Variants in KSR2 observed in about 807,000 individuals in gnomAD.
KSR2 encodes kinase suppressor of ras 2.
Under a neutral mutation model 107.8 loss-of-function variants are expected in KSR2, and 25 were observed. The observed-to-expected ratio is 0.23, with a 90% CI of 0.17 to 0.32. The LOEUF is 0.32. Ranked by LOEUF, KSR2 falls within the 10% of genes least tolerant of loss-of-function variation. The pLI is 1.00. For synonymous variants in KSR2, 480 were observed against 507.0 expected, an observed-to-expected ratio of 0.95 and a Z score of 0.71; for missense variants, 887 against 1,268.9, an observed-to-expected ratio of 0.70 and a Z score of 4.57.
intron 4 of KSR2, among the ~76,000 whole-genome samples, chr12:117,732,053 G>C (rs914409165): frequency 2.0e-5 from 3 of 151,362 alleles, no homozygotes; most frequent in Non-Finnish European, 2.9e-5. Flanking sequence ...AAAAAAAAAG[G>C]TGAAATCAAA....
intron 5 of KSR2, among the ~76,000 whole-genome samples, chr12:117,588,397 G>A (rs889583933): frequency 2.0e-5 from 3 of 152,154 alleles, no homozygotes; most frequent in Non-Finnish European, 4.4e-5. Context: ...TATTCTTTGC[G>A]ATTTATCTGC....
chr12:117,717,418 C>G (rs1016068734), intron 4 of KSR2, among the ~76,000 whole-genome samples: 1 of 152,090 alleles, frequency 6.6e-6, no homozygotes, highest in African/African-American at 2.4e-5. Flanking sequence ...ACTCAGGAGG[C>G]TGAGGTGGGA....
At chr12:117,575,314 C>T (rs974780740) in intron 7 of KSR2, among the ~76,000 whole-genome samples, 5 of 152,210 alleles carry the variant, frequency 3.3e-5, no homozygotes, top group African/African-American at 1.2e-4. Flanking sequence ...TCATTTTCTA[C>T]AAGAAGCTGC....
intron 3 of KSR2, among the ~76,000 whole-genome samples, chr12:117,831,369 G>A (rs1437618494): frequency 6.6e-6 from 1 of 152,196 alleles, no homozygotes; most frequent in Non-Finnish European, 1.5e-5. Context: ...GCAGGGGCAG[G>A]ACAGCCCAGG....
At chr12:117,650,717 G>A (rs1883869607) in intron 5 of KSR2, among the ~76,000 whole-genome samples, 1 of 152,164 alleles carries the variant, frequency 6.6e-6, no homozygotes, top group Non-Finnish European at 1.5e-5. Flanking sequence ...GACCATATTT[G>A]GAGACCCAAG....
At chr12:117,623,699 T>C (rs1180449015) in intron 5 of KSR2, among the ~76,000 whole-genome samples, 935 of 132,634 alleles carry the variant, frequency 7.0e-3, no homozygotes, top group South Asian at 0.013. Context: ...TACATGTGCA[T>C]GTGTCTTTAT....
chr12:117,494,759 G>A (rs60456228), intron 14 of KSR2, among the ~76,000 whole-genome samples: 39,451 of 152,172 alleles, frequency 0.26, 5,321 homozygotes, highest in East Asian at 0.47. Context: ...ATTGGATAGA[G>A]AGTAGATGGA....
intron 3 of KSR2, among the ~76,000 whole-genome samples, chr12:117,782,120 T>C (rs1889908783): frequency 6.6e-6 from 1 of 152,214 alleles, no homozygotes; most frequent in Admixed American, 6.5e-5. Context: ...GAGTGCATAC[T>C]ATGGAGCAGG....
intron 5 of KSR2, among the ~76,000 whole-genome samples, chr12:117,637,675 G>GTTTTTTTTTTTTTTTTTTTTTTTTTT (rs56169273): frequency 2.2e-5 from 2 of 92,086 alleles, no homozygotes; most frequent in African/African-American, 8.4e-5. Context: ...TCAGTTTTGG[G>GTTTTTTTTTTTTTTTTTTTTTTTTTT]TTTTTTTTTT....
chr12:117,839,312 G>A (rs1036106461), intron 3 of KSR2, among the ~76,000 whole-genome samples: 6 of 152,226 alleles, frequency 3.9e-5, no homozygotes, highest in East Asian at 1.9e-4. Flanking sequence ...AAAGTGCTGC[G>A]TTTAGAGTGT....
intron 7 of KSR2, among the ~76,000 whole-genome samples, chr12:117,568,489 AG>A (rs1406498529): frequency 6.6e-6 from 1 of 152,172 alleles, no homozygotes; most frequent in South Asian, 2.1e-4. Flanking sequence ...AGCGGTTAAA[AG>A]TCTGGGATCG....
chr12:117,883,495 T>C (rs552279745), intron 1 of KSR2, among the ~76,000 whole-genome samples: 1 of 152,192 alleles, frequency 6.6e-6, no homozygotes, highest in South Asian at 2.1e-4. Context: ...ATAAGTGCTA[T>C]GGTGGCAGCA....
intron 3 of KSR2, among the ~76,000 whole-genome samples, chr12:117,833,908 C>T (rs941858849): frequency 1.2e-4 from 18 of 151,672 alleles, no homozygotes; most frequent in African/African-American, 3.9e-4. Context: ...GCAGGCGGAT[C>T]GCTTGAGCCC....
intron 7 of KSR2, among the ~76,000 whole-genome samples, chr12:117,577,436 ACT>A (rs1879353392): frequency 6.6e-6 from 1 of 152,212 alleles, no homozygotes; most frequent in Admixed American, 6.5e-5. Context: ...TGAGCGAGGC[ACT>A]GTGTTATGTT....
chr12:117,536,203 T>C (rs1451242378), intron 10 of KSR2, among the ~76,000 whole-genome samples: 2 of 152,238 alleles, frequency 1.3e-5, no homozygotes, highest in Non-Finnish European at 2.9e-5. Context: ...GCCTAAGCTT[T>C]AGCTTAAATA....
In KSR2 at chr12:117,761,134, G is replaced by A. The variant is rs36028047; in HGVS notation, c.863C>T (p.Pro288Leu). 1.9e-6 allele frequency: 3 copies of A among 1,611,858 alleles called. No individual in the cohort carries two copies. The highest frequency in any genetic ancestry group is 1.7e-5 in the Admixed American group (1 of 59,844). ...PMRKKNKLKPPGTPPPSSRKL... is the reference protein window; with the variant it reads ...PMRKKNKLKPLGTPPPSSRKL... Reference sequence around the variant, plus strand: ...TCGGGAGGAGGGCGGTGGGGTCCCCGGGGGCTTCAGCTTGTTCTTCTTCCT... The same window carrying A: ...TCGGGAGGAGGGCGGTGGGGTCCCCAGGGGCTTCAGCTTGTTCTTCTTCCT... The change falls in exon 4 of 20, where the codon CCG (proline) becomes CTG (leucine). Residue 288 changes from proline (P) to leucine (L), a missense_variant. Coordinates refer to ENST00000339824, the MANE Select transcript of KSR2 (RefSeq NM_173598.6).
chr12:117,731,513 GC>G (rs1187667639), intron 4 of KSR2, among the ~76,000 whole-genome samples: 3 of 152,170 alleles, frequency 2.0e-5, no homozygotes, highest in Non-Finnish European at 4.4e-5. Flanking sequence ...CCTCTGTCCG[GC>G]CGCCACCCCG....
At chr12:117,756,256 TAG>T (rs1888785007) in intron 4 of KSR2, among the ~76,000 whole-genome samples, 1 of 152,248 alleles carries the variant, frequency 6.6e-6, no homozygotes, top group African/African-American at 2.4e-5. Flanking sequence ...CTCTCAGAGC[TAG>T]AGAGACGAAG....
At chr12:117,532,796 G>A (rs947201570) in intron 10 of KSR2, among the ~76,000 whole-genome samples, 1 of 152,250 alleles carries the variant, frequency 6.6e-6, no homozygotes, top group East Asian at 1.9e-4. Context: ...TTGGGGGCAG[G>A]GGACACAGAG....
Sources: gnomAD v4.1 joint callset for allele counts (sites outside exome capture counted in the v4.1 genomes callset) on GRCh38, gnomAD v4.1.1 for gene constraint, MANE v1.5 for transcripts, NCBI Gene and HGNC (gene_info 2026-07-23, HGNC 2026-07-21) for gene names.